Variants in IFNAR2 observed in about 807,000 individuals in gnomAD.
IFNAR2 encodes interferon alpha/beta receptor 2.
In IFNAR2, 30 loss-of-function variants were observed where a neutral mutation model predicts 49.4. The observed-to-expected ratio is 0.61, with a 90% CI of 0.45 to 0.82. The LOEUF (loss-of-function observed/expected upper bound fraction) is 0.82, where lower values mean the gene tolerates loss of function less well. Among genes scored for constraint, IFNAR2 ranks in the 40% least tolerant of loss-of-function variants. The pLI, the probability that IFNAR2 is intolerant of heterozygous loss-of-function variation, is 0.00. For synonymous variants in IFNAR2, 224 were observed against 234.5 expected, an observed-to-expected ratio of 0.96 and a Z score of 0.41; for missense variants, 600 against 622.7, an observed-to-expected ratio of 0.96 and a Z score of 0.39.
intron 6 of IFNAR2, 163 bp from the exon 7 acceptor site, chr21:33,252,470 GTATATTAAAAGTGCATGTAGGTGTAGTTT>G: frequency 1.0e-6 from 1 of 985,182 alleles, no homozygotes. Context: ...GTGTGCAGGT[GTATATTAAAAGTGCATGTAGGTGTAGTTT>G]TCTGATAAAT....
rs1358990064 is a variant in IFNAR2, at chr21:33,230,358, C to T, written c.-84+142C>T. 4.3e-6 allele frequency: 3 copies of T among 694,490 alleles called. No individual in the cohort carries two copies. The highest frequency in any genetic ancestry group is 6.0e-6 in the Non-Finnish European group (3 of 497,746). The allele number at this position is 694,490 out of a possible 1,614,324, so 43.0% of individuals were successfully genotyped here. A position where few individuals can be genotyped will look rare whatever the true frequency, so the allele number is the denominator to read the frequency against. On this transcript the variant is annotated intron_variant, in intron 1 of 8. Transcript: ENST00000342136. The surrounding 1 kb of genome is among the most constrained non-coding windows in gnomAD (Gnocchi z 5.5). ...GACTCCTCCTCCTCCTCCTGCCCTC[C>T]CTCTGCGTCTTGAGTATGCGGCTAG...
intron 6 of IFNAR2, among the ~76,000 whole-genome samples, chr21:33,249,383 A>G (rs1288252692): frequency 6.6e-6 from 1 of 151,652 alleles, no homozygotes; most frequent in African/African-American, 2.4e-5. Flanking sequence ...CACATGCACA[A>G]CATCAAGGAA....
chr21:33,259,635 C>A (rs879373914), intron 7 of IFNAR2, among the ~76,000 whole-genome samples: 8 of 152,158 alleles, frequency 5.3e-5, no homozygotes, highest in Non-Finnish European at 1.0e-4. Context: ...GTTTACAGTA[C>A]CCCTTTCAAG....
At chr21:33,254,153 A>G (rs1988053943) in intron 7 of IFNAR2, among the ~76,000 whole-genome samples, 1 of 152,200 alleles carries the variant, frequency 6.6e-6, no homozygotes, top group Non-Finnish European at 1.5e-5. Context: ...AACCAACTGA[A>G]TGGATCCCTC....
Position 33,260,732 on chromosome 21 carries a change from G to T in IFNAR2, c.840+5G>T. On this transcript the variant is annotated splice_donor_5th_base_variant and intron_variant, in intron 8 of 8. Transcript: ENST00000342136. ...AATAGCCTCCCCAAAGTCTTGGTAG[G>T]TAGTTTTTTTGTTTTGTTTTGTTTT... The T allele has an allele frequency of 6.8e-7, 1 of 1,475,824 alleles. No individual in the cohort carries two copies. The highest frequency in any genetic ancestry group is 1.5e-5 in the South Asian group (1 of 66,946). 91.4% of individuals were successfully genotyped at this position (1,475,824 alleles called of 1,614,324 possible).
At position 33,230,348 on chromosome 21, in the gene IFNAR2, T is replaced by C; in HGVS notation, c.-84+132T>C. 1.4e-6 allele frequency: 1 copy of C among 738,980 alleles called. No individual in the cohort carries two copies. 45.8% of individuals were successfully genotyped at this position (738,980 alleles called of 1,614,324 possible). On this transcript the variant is annotated intron_variant, in intron 1 of 8. Transcript: ENST00000342136. The surrounding 1 kb of genome is among the most constrained non-coding windows in gnomAD (Gnocchi z 5.5). ...CGCTCTCCCCGACTCCTCCTCCTCC[T>C]CCTGCCCTCCCTCTGCGTCTTGAGT...
chr21:33,256,054 A>G (rs183520371), intron 7 of IFNAR2, among the ~76,000 whole-genome samples: 30 of 152,350 alleles, frequency 2.0e-4, no homozygotes, highest in Middle Eastern at 3.4e-3. Flanking sequence ...ATAAAAACTG[A>G]AATTAGTGAC....
At chr21:33,252,120 A>ATCTATCTATG in intron 6 of IFNAR2, 1 of 398,418 alleles carries the variant, frequency 2.5e-6, no homozygotes, top group Non-Finnish European at 5.1e-6. Flanking sequence ...ATCTATCTAT[A>ATCTATCTATG]TCTGTCTATT....
chr21:33,232,842 G>A (rs952995812), intron 1 of IFNAR2, among the ~76,000 whole-genome samples: 7 of 152,212 alleles, frequency 4.6e-5, no homozygotes, highest in East Asian at 3.9e-4. Context: ...ATAAAGTTGT[G>A]GAAAGGAAGT....
intron 1 of IFNAR2, among the ~76,000 whole-genome samples, chr21:33,238,150 G>A (rs778840599): frequency 1.2e-4 from 19 of 152,226 alleles, no homozygotes; most frequent in East Asian, 3.9e-4. Context: ...CTACCTTGGC[G>A]TTGTCAGTCC....
At chr21:33,251,589 A>C in intron 6 of IFNAR2, 1 of 985,464 alleles carries the variant, frequency 1.0e-6, no homozygotes, top group Non-Finnish European at 1.2e-6. Flanking sequence ...TCCTCCTCCC[A>C]AACAGAAATT....
At chr21:33,239,786 G>A (rs1207405821) in intron 1 of IFNAR2, among the ~76,000 whole-genome samples, 2 of 149,972 alleles carry the variant, frequency 1.3e-5, no homozygotes, top group South Asian at 2.1e-4. Flanking sequence ...TCAATGTTGT[G>A]AGCTACAGGT....
intron 6 of IFNAR2, chr21:33,252,149 G>A: frequency 2.1e-6 from 1 of 469,862 alleles, no homozygotes; most frequent in South Asian, 1.6e-5. Context: ...GAGAAGATGA[G>A]AAACTAGACA....
At chr21:33,257,050 G>C (rs1988253031) in intron 7 of IFNAR2, among the ~76,000 whole-genome samples, 1 of 152,178 alleles carries the variant, frequency 6.6e-6, no homozygotes, top group Non-Finnish European at 1.5e-5. Context: ...GAACAGGTAG[G>C]TACAGGGAGA....
rs769834295 is a variant in IFNAR2, at chr21:33,246,736, G to A, written c.240G>A (p.Lys80=). The change falls in exon 5 of 9, where the codon AAG becomes AAA. Residue 80 remains lysine, a synonymous_variant. Transcript: ENST00000342136. ...TCCAAAGTAAACCAGAAGATTTGAA[G>A]GTGGTTAAGAACTGTGCAAATACCA... ...YTIMSKPEDL[K]VVKNCANTTR... is the part of the protein sequence containing the mutation. 6.2e-7 allele frequency: 1 copy of A among 1,608,048 alleles called. No homozygotes were observed. The highest frequency in any genetic ancestry group is 8.5e-7 in the Non-Finnish European group (1 of 1,178,194).
chr21:33,231,634 T>G, intron 1 of IFNAR2: 2 of 955,456 alleles, frequency 2.1e-6, no homozygotes, highest in Non-Finnish European at 1.2e-6. Context: ...CAAAGCCACA[T>G]TGGACTCATT....
rs954737322 is a variant in IFNAR2, at chr21:33,263,575, CTTA to C, written c.*77_*79del. ...TTGTCTCTGCATCCTAACTTGCTGC[CTTA>C]TCGTCTGCAAGTGTTCTCCAAGGGA... On this transcript the variant is annotated 3_prime_UTR_variant, in exon 9 of 9. Coordinates refer to ENST00000342136, the MANE Select transcript of IFNAR2 (RefSeq NM_001289125.3). The C allele has an allele frequency of 2.1e-6, 3 of 1,397,590 alleles. No individual in the cohort carries two copies. The highest frequency in any genetic ancestry group is 2.9e-6 in the Non-Finnish European group (3 of 1,043,150). The allele number at this position is 1,397,590 out of a possible 1,614,324, so 86.6% of individuals were successfully genotyped here. A position where few individuals can be genotyped will look rare whatever the true frequency, so the allele number is the denominator to read the frequency against.
chr21:33,263,437 A>G lies in IFNAR2; in HGVS notation c.1485A>G (p.Pro495=), dbSNP rs1988782000. 5 of 1,613,920 alleles carry G rather than the reference A, an allele frequency of 3.1e-6. No homozygotes were observed. Among genetic ancestry groups the G allele is most frequent in the Admixed American group, 1.7e-5 (1 of 60,004 alleles). The part of the protein sequence containing the change: ...SSEGLWSEDA[P]SDQSDTSESD... ...AGGGCCTGTGGTCCGAAGATGCTCC[A>G]TCTGATCAAAGTGACACTTCTGAGT... Residue 495 remains proline, a synonymous_variant, in exon 9 of 9, where the codon CCA becomes CCG. Transcript: ENST00000342136.
intron 2 of IFNAR2, among the ~76,000 whole-genome samples, chr21:33,242,666 G>A (rs1272647672): frequency 2.1e-5 from 3 of 142,558 alleles, no homozygotes; most frequent in African/African-American, 8.1e-5. Flanking sequence ...CTGGGAGGCG[G>A]AGCTTGCAGT....
Sources: allele counts gnomAD v4.1 joint callset (sites outside exome capture counted in the v4.1 genomes callset), GRCh38; gene constraint gnomAD v4.1.1; non-coding constraint Gnocchi (gnomAD v3.1); transcripts MANE v1.5; gene names NCBI Gene and HGNC (gene_info 2026-07-23, HGNC 2026-07-21).